The following KANK1 variants were observed in gnomAD, a reference collection of about 807,000 sequenced individuals.
KANK1 encodes KN motif and ankyrin repeat domain-containing protein 1.
A neutral mutation model predicts 106.2 loss-of-function variants in KANK1; 109 were observed. The observed-to-expected ratio is 1.03, with a 90% CI of 0.88 to 1.20. KANK1 has a LOEUF of 1.20. Ranked by LOEUF, KANK1 falls within the 50% of genes most tolerant of loss-of-function variation. The pLI is 0.00. For missense variants in KANK1, 2,399 were observed against 1,710.7 expected (o/e 1.40, Z -7.10); for synonymous variants, 873 against 652.2 (o/e 1.34, Z -5.16).
At chr9:609,046 T>C (rs567624060) in intron 1 of KANK1, among the ~76,000 whole-genome samples, 1 of 152,130 alleles carries the variant, frequency 6.6e-6, no homozygotes, top group African/African-American at 2.4e-5. Context: ...TGCAAGATCG[T>C]TGAAAATCTT....
chr9:512,323 A>G (rs2059069559), intron 1 of KANK1, among the ~76,000 whole-genome samples: 1 of 152,014 alleles, frequency 6.6e-6, no homozygotes, highest in Non-Finnish European at 1.5e-5. Context: ...GCTAGTCCTA[A>G]ATACTGCATT....
intron 3 of KANK1, among the ~76,000 whole-genome samples, chr9:719,406 G>C (rs1828701056): frequency 1.3e-5 from 2 of 152,268 alleles, no homozygotes; most frequent in Non-Finnish European, 1.5e-5. Context: ...CAATGAGTAA[G>C]TTTAGATGTT....
chr9:471,708 A>C (rs939474786), intron 2 of KANK1: 1 of 152,368 alleles, frequency 6.6e-6, no homozygotes, highest in Non-Finnish European at 1.5e-5. Flanking sequence ...TTCGAAACCT[A>C]GGCAACATAG....
At chr9:671,005 C>T (rs1346920083) in intron 1 of KANK1, among the ~76,000 whole-genome samples, 2 of 134,614 alleles carry the variant, frequency 1.5e-5, no homozygotes, top group African/African-American at 5.3e-5. Context: ...AGGAACTGAC[C>T]GATTCTCTTT....
At chr9:640,742 G>A (rs1038912862) in intron 1 of KANK1, among the ~76,000 whole-genome samples, 1 of 150,126 alleles carries the variant, frequency 6.7e-6, no homozygotes, top group African/African-American at 2.5e-5. Context: ...TGTTGCCCAG[G>A]CTGCAGTACA....
intron 1 of KANK1, among the ~76,000 whole-genome samples, chr9:518,366 C>CGA (rs1274569314): frequency 6.6e-6 from 1 of 151,448 alleles, no homozygotes; most frequent in Non-Finnish European, 1.5e-5. Context: ...TGTGTCATCC[C>CGA]GAGCCTCCCC....
At chr9:545,663 C>T (rs1050971578) in intron 1 of KANK1, among the ~76,000 whole-genome samples, 14 of 149,400 alleles carry the variant, frequency 9.4e-5, no homozygotes, top group African/African-American at 3.4e-4. Flanking sequence ...CAAGAACTTT[C>T]AGGGACTTCA....
chr9:530,952 T>C (rs2060029199), intron 1 of KANK1, among the ~76,000 whole-genome samples: 1 of 152,044 alleles, frequency 6.6e-6, no homozygotes, highest in Non-Finnish European at 1.5e-5. Flanking sequence ...TGAGACAACA[T>C]CTCAATAAAA....
rs76047228 is a variant in KANK1, at chr9:520,828, C to G, written c.-84+16074C>G. On this transcript the variant is annotated intron_variant, in intron 1 of 11. Transcript: ENST00000382297. ...TTAGTTGTTTCCCATGGCTCCAGAT[C>G]TGTATTTTAATCAAGAAGTTACACT... 1.9e-4 allele frequency among the ~76,000 whole-genome samples: 29 copies of G among 151,756 alleles called. 1 individual carries two copies. In the East Asian group the frequency reaches 3.1e-3, roughly 16 times the overall value.
At position 507,942 on chromosome 9, in the gene KANK1, C is replaced by T. The variant is rs922001003; in HGVS notation, c.-84+3188C>T. Among the ~76,000 whole-genome samples, 6 of 151,540 alleles carry T rather than the reference C, an allele frequency of 4.0e-5. No individual in the cohort carries two copies. In the South Asian group the frequency reaches 8.4e-4, roughly 21 times the overall value. ...CTTGTGATCCGCCCACCTCAGCCTCCCAAAGTGCTGAGGGATTACAGGCAT... is the reference window on the plus strand; with the variant it reads ...CTTGTGATCCGCCCACCTCAGCCTCTCAAAGTGCTGAGGGATTACAGGCAT... On this transcript the variant is annotated intron_variant, in intron 1 of 11. Coordinates refer to ENST00000382297, the MANE Select transcript of KANK1 (RefSeq NM_015158.5).
At chr9:664,646 G>T (rs376086555) in intron 1 of KANK1, among the ~76,000 whole-genome samples, 1 of 152,268 alleles carries the variant, frequency 6.6e-6, no homozygotes, top group South Asian at 2.1e-4. Flanking sequence ...TGCAAGTACA[G>T]ATCTCTCTTC....
intron 1 of KANK1, among the ~76,000 whole-genome samples, chr9:559,968 T>C (rs769545830): frequency 7.2e-5 from 11 of 152,242 alleles, no homozygotes; most frequent in Non-Finnish European, 1.6e-4. Context: ...TAGTTACGTG[T>C]CATCCTTCTT....
At chr9:680,226 G>C (rs1329541216) in intron 2 of KANK1, among the ~76,000 whole-genome samples, 1 of 152,128 alleles carries the variant, frequency 6.6e-6, no homozygotes, top group African/African-American at 2.4e-5. Flanking sequence ...CATAGTGTTA[G>C]TAATAAAACA....
chr9:708,314 C>T (rs1219087283), intron 2 of KANK1, among the ~76,000 whole-genome samples: 1 of 152,268 alleles, frequency 6.6e-6, no homozygotes, highest in East Asian at 1.9e-4. Context: ...TTTGAGTGAT[C>T]ACCTTCTCCA....
intron 1 of KANK1, among the ~76,000 whole-genome samples, chr9:542,673 TG>T (rs1247848939): frequency 6.6e-6 from 1 of 152,194 alleles, no homozygotes; most frequent in East Asian, 1.9e-4. Flanking sequence ...AGTAGATGAA[TG>T]GGTAAAGAAA....
intron 2 of KANK1, among the ~76,000 whole-genome samples, chr9:683,111 C>A (rs141678232): frequency 6.6e-6 from 1 of 152,220 alleles, no homozygotes; most frequent in East Asian, 1.9e-4. Context: ...AGGCAGTGTG[C>A]GCCCGTGGTG....
intron 1 of KANK1, among the ~76,000 whole-genome samples, chr9:621,401 T>C (rs1432304667): frequency 6.6e-6 from 1 of 152,130 alleles, no homozygotes; most frequent in Non-Finnish European, 1.5e-5. Flanking sequence ...TAATACTGAC[T>C]TGGCAAGTGT....
chr9:616,876 A>C (rs987296541), intron 1 of KANK1, among the ~76,000 whole-genome samples: 1 of 152,176 alleles, frequency 6.6e-6, no homozygotes, highest in Non-Finnish European at 1.5e-5. Flanking sequence ...GAAGTGAGAC[A>C]TGGTATTTCT....
At chr9:648,926 T>C (rs572926438) in intron 1 of KANK1, among the ~76,000 whole-genome samples, 1 of 152,292 alleles carries the variant, frequency 6.6e-6, no homozygotes, top group South Asian at 2.1e-4. Flanking sequence ...TGCATGTCAA[T>C]TGCAGTTCCT....
Sources: allele counts gnomAD v4.1 joint callset (sites outside exome capture counted in the v4.1 genomes callset), GRCh38; gene constraint gnomAD v4.1.1; transcripts MANE v1.5; gene names NCBI Gene and HGNC (gene_info 2026-07-23, HGNC 2026-07-21).